LHFPL7: variants seen among roughly 807,000 people sequenced by gnomAD.
LHFPL7 encodes LHFPL tetraspan subfamily member 7 protein.
the LHFPL7 span, chr22:24,935,139 A>G: frequency 1.5e-6 from 1 of 671,138 alleles, no homozygotes; most frequent in Non-Finnish European, 2.5e-6. Context: ...ATCTCCAGTG[A>G]ATTCTCAGAA....
chr22:24,935,278 A>G, the LHFPL7 span: 2 of 1,559,596 alleles, frequency 1.3e-6, no homozygotes, highest in Non-Finnish European at 1.7e-6. Context: ...AGTTGGCTAC[A>G]TGATGATTTC....
At chr22:24,939,369 C>G in the LHFPL7 span, 2,452 of 703,014 alleles carry the variant, frequency 3.5e-3, 23 homozygotes, top group African/African-American at 0.031. Context: ...CTCCAGGGAA[C>G]TGAAGGTCAC....
the LHFPL7 span, among the ~76,000 whole-genome samples, chr22:24,943,825 G>A: frequency 7.4e-4 from 113 of 152,190 alleles, 1 homozygote; most frequent in Non-Finnish European, 1.0e-4. Flanking sequence ...GCCATACAAA[G>A]GCAGAATCTC....
At chr22:24,945,774 C>G in the LHFPL7 span, among the ~76,000 whole-genome samples, 1 of 152,220 alleles carries the variant, frequency 6.6e-6, no homozygotes, top group East Asian at 1.9e-4. Flanking sequence ...CAGGCCATGT[C>G]CAGGCTGAGA....
At chr22:24,943,518 G>A in the LHFPL7 span, among the ~76,000 whole-genome samples, 1 of 152,110 alleles carries the variant, frequency 6.6e-6, no homozygotes, top group African/African-American at 2.4e-5. Context: ...ACTTGCATAG[G>A]TAAGCACTTG....
the LHFPL7 span, among the ~76,000 whole-genome samples, chr22:24,945,718 TG>T: frequency 6.6e-6 from 1 of 152,112 alleles, no homozygotes; most frequent in Non-Finnish European, 1.5e-5. Context: ...GGGGTGACAC[TG>T]GGGACAAGCA....
At chr22:24,941,006 A>G in the LHFPL7 span, among the ~76,000 whole-genome samples, 2 of 151,284 alleles carry the variant, frequency 1.3e-5, no homozygotes, top group African/African-American at 4.9e-5. Context: ...AGGTCTCCCT[A>G]TATTGGCCAG....
the LHFPL7 span, among the ~76,000 whole-genome samples, chr22:24,943,034 C>T: frequency 3.3e-5 from 5 of 151,674 alleles, no homozygotes; most frequent in African/African-American, 4.8e-5. Context: ...CGTGGCTGCT[C>T]GCCAGCAAGT....
At chr22:24,935,713 C>A in the LHFPL7 span, 1 of 1,338,052 alleles carries the variant, frequency 7.5e-7, no homozygotes, top group South Asian at 1.5e-5. Flanking sequence ...CTCATTCATT[C>A]ATTTGCTTAT....
the LHFPL7 span, among the ~76,000 whole-genome samples, chr22:24,937,409 G>C: frequency 6.6e-6 from 1 of 152,226 alleles, no homozygotes; most frequent in Non-Finnish European, 1.5e-5. Flanking sequence ...TGAGGTTGGT[G>C]AGGGACTGGG....
chr22:24,945,407 T>C, the LHFPL7 span, among the ~76,000 whole-genome samples: 6 of 151,376 alleles, frequency 4.0e-5, no homozygotes, highest in African/African-American at 1.5e-4. Context: ...GGAGGTGGGG[T>C]TAGGGGAGGA....
chr22:24,944,232 GGAGA>G, the LHFPL7 span, among the ~76,000 whole-genome samples: 1 of 152,024 alleles, frequency 6.6e-6, no homozygotes, highest in Admixed American at 6.6e-5. Flanking sequence ...GACTCTGGAG[GGAGA>G]GAGAGAGACA....
the LHFPL7 span, among the ~76,000 whole-genome samples, chr22:24,946,171 A>G: frequency 4.1e-4 from 63 of 152,238 alleles, no homozygotes; most frequent in Non-Finnish European, 8.1e-4. Context: ...TTAGCTGGGC[A>G]TGGTGGCGGG....
the LHFPL7 span, among the ~76,000 whole-genome samples, chr22:24,938,911 C>A: frequency 1.3e-5 from 2 of 152,180 alleles, no homozygotes; most frequent in Non-Finnish European, 2.9e-5. Context: ...CGTTGGGGGC[C>A]ATCATAGATT....
chr22:24,939,444 GTCGGGGT>G, the LHFPL7 span: 2 of 703,152 alleles, frequency 2.8e-6, no homozygotes, highest in Non-Finnish European at 5.2e-6. Flanking sequence ...AAAGGAGAAG[GTCGGGGT>G]CTGGAACCAG....
the LHFPL7 span, among the ~76,000 whole-genome samples, chr22:24,946,387 A>G: frequency 2.0e-5 from 3 of 152,216 alleles, no homozygotes; most frequent in African/African-American, 7.2e-5. Flanking sequence ...ATAAGCAAGC[A>G]TGCACACATG....
the LHFPL7 span, among the ~76,000 whole-genome samples, chr22:24,940,770 C>T: frequency 6.8e-6 from 1 of 147,846 alleles, no homozygotes; most frequent in African/African-American, 2.5e-5. Flanking sequence ...TCCCTCCTTC[C>T]TTCCTTCCCT....
chr22:24,942,579 C>G, the LHFPL7 span, among the ~76,000 whole-genome samples: 1 of 152,224 alleles, frequency 6.6e-6, no homozygotes, highest in African/African-American at 2.4e-5. Context: ...CAGCCACCCA[C>G]TAAACATGGC....
chr22:24,941,171 CTTT>C, the LHFPL7 span, among the ~76,000 whole-genome samples: 1 of 142,970 alleles, frequency 7.0e-6, no homozygotes, highest in Non-Finnish European at 1.5e-5. Flanking sequence ...ATGGTATTAT[CTTT>C]TTTTTTTTTT....
Sources: allele counts gnomAD v4.1 joint callset (sites outside exome capture counted in the v4.1 genomes callset), GRCh38; gene constraint gnomAD v4.1.1; transcripts MANE v1.5; gene names NCBI Gene and HGNC (gene_info 2026-07-23, HGNC 2026-07-21).